The following LRRC4C variants were observed in gnomAD, a reference collection of about 807,000 sequenced individuals.
LRRC4C encodes leucine rich repeat containing 4C.
In LRRC4C, 5 loss-of-function variants were observed where a neutral mutation model predicts 33.6. The ratio of observed to expected loss-of-function variants is 0.15; its 90% CI spans 0.08 to 0.31. LRRC4C has a LOEUF of 0.31. Among genes scored for constraint, LRRC4C ranks in the 10% least tolerant of loss-of-function variants. The pLI is 1.00. For missense variants in LRRC4C, 560 were observed against 796.7 expected (o/e 0.70, Z 3.58); for synonymous variants, 329 against 302.0 (o/e 1.09, Z -0.93).
chr11:40,124,498 C>T (rs556194948), intron 6 of LRRC4C, among the ~76,000 whole-genome samples: 1 of 152,216 alleles, frequency 6.6e-6, no homozygotes, highest in South Asian at 2.1e-4. Context: ...GAAACTATCA[C>T]TTGCAACAAC....
At chr11:41,024,854 T>TTC (rs1045616416) in intron 1 of LRRC4C, among the ~76,000 whole-genome samples, 15 of 151,880 alleles carry the variant, frequency 9.9e-5, no homozygotes, top group Admixed American at 6.6e-4. Context: ...CCACTTTTTT[T>TTC]TCAACACTAT....
At chr11:40,818,307 G>C (rs930634140) in intron 2 of LRRC4C, among the ~76,000 whole-genome samples, 1 of 151,994 alleles carries the variant, frequency 6.6e-6, no homozygotes, top group Non-Finnish European at 1.5e-5. Flanking sequence ...ACTAAGGATC[G>C]CAAGTTCCTG....
chr11:41,238,947 A>G (rs1308680371), intron 1 of LRRC4C, among the ~76,000 whole-genome samples: 1 of 152,020 alleles, frequency 6.6e-6, no homozygotes, highest in Non-Finnish European at 1.5e-5. Context: ...CCCATATTAT[A>G]TATTTTTACA....
intron 3 of LRRC4C, among the ~76,000 whole-genome samples, chr11:40,546,929 G>C (rs979911975): frequency 2.0e-5 from 3 of 152,142 alleles, no homozygotes; most frequent in Non-Finnish European, 4.4e-5. Context: ...TATGCAGCCT[G>C]TGCCAGAAAA....
At chr11:41,001,659 G>A (rs16935251) in intron 1 of LRRC4C, among the ~76,000 whole-genome samples, 2,238 of 151,852 alleles carry the variant, frequency 0.015, 59 homozygotes, top group African/African-American at 0.052. Flanking sequence ...GAATTTTAAC[G>A]CAACCCTTAG....
intron 3 of LRRC4C, among the ~76,000 whole-genome samples, chr11:40,520,950 A>G (rs10837431): frequency 0.34 from 51,466 of 151,990 alleles, 10,501 homozygotes; most frequent in East Asian, 0.65. Context: ...CATAATATTC[A>G]TTTCTATTAG....
intron 2 of LRRC4C, among the ~76,000 whole-genome samples, chr11:40,793,083 A>C (rs1428603310): frequency 6.6e-6 from 1 of 152,128 alleles, no homozygotes; most frequent in African/African-American, 2.4e-5. Flanking sequence ...ACATGTATAC[A>C]TATGTAACAA....
chr11:40,782,292 C>T (rs890153880), intron 2 of LRRC4C, among the ~76,000 whole-genome samples: 7 of 152,086 alleles, frequency 4.6e-5, no homozygotes, highest in African/African-American at 1.7e-4. Context: ...AGTTACTACC[C>T]GTCCTGATGC....
In LRRC4C at chr11:40,493,855, C is replaced by G. The variant is rs142016908; in HGVS notation, c.-270+154287G>C. Among the ~76,000 whole-genome samples the G allele has an allele frequency of 3.7e-3, 560 of 152,180 alleles. 3 individuals carry two copies. The highest frequency in any genetic ancestry group is 0.013 in the African/African-American group (521 of 41,526). ...GTGCTGACTGTTCTCTCTCAGCCCC[C>G]CTAAATCTACTGTTTACTGTTCTCC... On this transcript the variant is annotated intron_variant, in intron 3 of 6. Coordinates refer to ENST00000528697, the MANE Select transcript of LRRC4C (RefSeq NM_001258419.2).
chr11:41,271,012 C>T (rs939727973), intron 1 of LRRC4C, among the ~76,000 whole-genome samples: 1 of 151,982 alleles, frequency 6.6e-6, no homozygotes, highest in Non-Finnish European at 1.5e-5. Flanking sequence ...GATTTAGGGC[C>T]CATCTTAGAA....
intron 3 of LRRC4C, among the ~76,000 whole-genome samples, chr11:40,386,433 A>G (rs1291151776): frequency 6.6e-6 from 1 of 152,156 alleles, no homozygotes; most frequent in Non-Finnish European, 1.5e-5. Flanking sequence ...CTTTTTCTGT[A>G]ATGAGGAGAT....
chr11:40,277,489 G>A (rs758544217), intron 4 of LRRC4C, among the ~76,000 whole-genome samples: 9 of 151,982 alleles, frequency 5.9e-5, no homozygotes, highest in African/African-American at 9.7e-5. Context: ...TATAAAAAGC[G>A]GTGAGGTTAA....
At chr11:41,174,298 C>T (rs1447067168) in intron 1 of LRRC4C, among the ~76,000 whole-genome samples, 1 of 151,918 alleles carries the variant, frequency 6.6e-6, no homozygotes, top group Non-Finnish European at 1.5e-5. Flanking sequence ...TTATCTCTAG[C>T]TAAAATTTTA....
intron 2 of LRRC4C, among the ~76,000 whole-genome samples, chr11:40,920,347 G>A (rs1448257733): frequency 2.0e-5 from 3 of 151,940 alleles, no homozygotes; most frequent in Non-Finnish European, 4.4e-5. Flanking sequence ...CAGCAGATGT[G>A]GCCACACATT....
At chr11:40,571,690 T>C (rs7938064) in intron 3 of LRRC4C, among the ~76,000 whole-genome samples, 48,633 of 151,998 alleles carry the variant, frequency 0.32, 7,904 homozygotes, top group Middle Eastern at 0.4. Flanking sequence ...TTTATTATAT[T>C]GTGTTTCTAT....
At chr11:41,426,961 G>T (rs1565664088) in intron 1 of LRRC4C, among the ~76,000 whole-genome samples, 1 of 152,168 alleles carries the variant, frequency 6.6e-6, no homozygotes, top group Non-Finnish European at 1.5e-5. Context: ...TCAATACTGA[G>T]TTAAAAGTCC....
chr11:40,551,717 AG>A, intron 3 of LRRC4C, among the ~76,000 whole-genome samples: 1 of 152,304 alleles, frequency 6.6e-6, no homozygotes, highest in East Asian at 1.9e-4. Flanking sequence ...TTCATCTGGT[AG>A]AATATAAGTT....
intron 2 of LRRC4C, among the ~76,000 whole-genome samples, chr11:40,672,780 C>A (rs1219584876): frequency 1.3e-5 from 2 of 152,136 alleles, no homozygotes; most frequent in Non-Finnish European, 2.9e-5. Context: ...GGAATAACAT[C>A]TCAGTCAAAT....
At chr11:40,293,598 A>T (rs1944349672) in intron 4 of LRRC4C, 2 of 152,104 alleles carry the variant, frequency 1.3e-5, no homozygotes, top group Admixed American at 1.3e-4. Context: ...AAAAAAACAC[A>T]CACGAAAAAA....
Sources: gnomAD v4.1 joint callset for allele counts (sites outside exome capture counted in the v4.1 genomes callset) on GRCh38, gnomAD v4.1.1 for gene constraint, MANE v1.5 for transcripts, NCBI Gene and HGNC (gene_info 2026-07-23, HGNC 2026-07-21) for gene names.